The following CHD9 variants were observed in gnomAD, a reference collection of about 807,000 sequenced individuals.
The protein encoded by CHD9 is chromodomain helicase DNA binding protein 9, also known as ATP-dependent chromatin remodeler CHD9.
A neutral mutation model predicts 316.1 loss-of-function variants in CHD9; 77 were observed. That is an observed-to-expected ratio of 0.24 (90% CI 0.20 to 0.29). The LOEUF is 0.29. Ranked by LOEUF, CHD9 falls within the 10% of genes least tolerant of loss-of-function variation. CHD9 has a pLI of 1.00. For missense variants in CHD9, 2,763 were observed against 3,438.1 expected, an observed-to-expected ratio of 0.80 and a Z score of 4.91; for synonymous variants, 1,129 against 1,158.3, an observed-to-expected ratio of 0.97 and a Z score of 0.51.
chr16:53,188,650 A>AGTG (rs2044236436), intron 2 of CHD9, among the ~76,000 whole-genome samples: 1 of 113,778 alleles, frequency 8.8e-6, no homozygotes, highest in South Asian at 2.9e-4. Flanking sequence ...GCTGGCGTGC[A>AGTG]GTGGTACCAT....
chr16:53,087,626 A>G (rs1387739497), intron 1 of CHD9, among the ~76,000 whole-genome samples: 1 of 152,186 alleles, frequency 6.6e-6, no homozygotes, highest in Admixed American at 6.5e-5. Context: ...CATATTCCTT[A>G]GGATTCTTTT....
chr16:53,296,489 A>G (rs62049790), intron 29 of CHD9, among the ~76,000 whole-genome samples: 45,488 of 137,982 alleles, frequency 0.33, 7,279 homozygotes, highest in Middle Eastern at 0.45. Context: ...CGCCCAGGCT[A>G]GAGTGCAGTG....
intron 1 of CHD9, among the ~76,000 whole-genome samples, chr16:53,114,561 A>G (rs965370166): frequency 1.3e-5 from 2 of 150,248 alleles, no homozygotes; most frequent in South Asian, 2.1e-4. Context: ...CCTGGCCAGC[A>G]TTATTTTTTA....
chr16:53,231,396 A>G (rs2048164123), intron 8 of CHD9, 23 bp from the exon 9 acceptor site: 3 of 1,387,610 alleles, frequency 2.2e-6, no homozygotes, highest in South Asian at 2.4e-5. Flanking sequence ...TCAGATGTCA[A>G]TTAAGTTACC....
intron 1 of CHD9, among the ~76,000 whole-genome samples, chr16:53,114,795 G>C (rs2038161824): frequency 6.6e-6 from 1 of 150,608 alleles, no homozygotes; most frequent in African/African-American, 2.4e-5. Context: ...CACCGTGTTA[G>C]CCAGGATGGT....
intron 19 of CHD9, among the ~76,000 whole-genome samples, chr16:53,261,073 T>G (rs1196649467): frequency 2.8e-5 from 4 of 140,942 alleles, no homozygotes; most frequent in African/African-American, 1.1e-4. Context: ...AGTTTTATAT[T>G]AAAGCTATAG....
rs1328020676 is a variant in CHD9 at position 53,247,631 on chromosome 16, T to A, written c.3665+128T>A. 4.4e-6 allele frequency: 3 copies of A among 686,694 alleles called. No individual in the cohort carries two copies. In the East Asian group the frequency reaches 8.2e-5, roughly 19 times the overall value. The allele number at this position is 686,694 out of a possible 1,614,324, so 42.5% of individuals were successfully genotyped here. Reference sequence around the variant, plus strand: ...TAGATTAGAATAATGCATTCAAATTTATAAGTAAAGATTGTTTAGGATTAT... The same window carrying A: ...TAGATTAGAATAATGCATTCAAATTAATAAGTAAAGATTGTTTAGGATTAT... On this transcript the variant is annotated intron_variant, in intron 16 of 38. Coordinates refer to ENST00000447540, the MANE Select transcript of CHD9 (RefSeq NM_001308319.2).
chr16:53,264,691 A>G (rs1211188998), intron 20 of CHD9, among the ~76,000 whole-genome samples: 2 of 152,196 alleles, frequency 1.3e-5, no homozygotes, highest in Non-Finnish European at 2.9e-5. Flanking sequence ...GACTAGGTGA[A>G]GTGATCAAGG....
At chr16:53,219,014 C>T (rs2047003094) in intron 3 of CHD9, among the ~76,000 whole-genome samples, 1 of 152,066 alleles carries the variant, frequency 6.6e-6, no homozygotes, top group African/African-American at 2.4e-5. Context: ...AACGGATACC[C>T]TTAGGAGGCG....
chr16:53,290,733 A>G (rs1214984578), intron 27 of CHD9, among the ~76,000 whole-genome samples: 3 of 152,068 alleles, frequency 2.0e-5, no homozygotes, highest in African/African-American at 7.2e-5. Context: ...AGGTGTGTTC[A>G]CGCCACTGCA....
intron 10 of CHD9, among the ~76,000 whole-genome samples, chr16:53,232,965 A>G (rs532096712): frequency 6.4e-4 from 97 of 152,312 alleles, no homozygotes; most frequent in African/African-American, 1.9e-3. Context: ...TAACACAACA[A>G]TCAACACAAA....
intron 22 of CHD9, among the ~76,000 whole-genome samples, chr16:53,269,727 A>G (rs2052048000): frequency 6.6e-6 from 1 of 152,152 alleles, no homozygotes; most frequent in South Asian, 2.1e-4. Flanking sequence ...ATTCCTCAAC[A>G]AATAAATTAT....
chr16:53,291,879 A>G (rs756828214), intron 28 of CHD9, 112 bp downstream of exon 28: 12 of 590,110 alleles, frequency 2.0e-5, no homozygotes, highest in Non-Finnish European at 3.3e-5. Context: ...AAAAATTTTT[A>G]TTGACTGCCA....
Position 53,307,906 on chromosome 16 carries a change from G to GTCT in CHD9, c.7007_7008insCTT (p.Val2336_Lys2337insLeu). The GTCT allele has an allele frequency of 6.2e-7, 1 of 1,613,392 alleles. No homozygotes were observed. Among genetic ancestry groups the GTCT allele is most frequent in the South Asian group, 1.1e-5 (1 of 90,844 alleles). On this transcript the variant is annotated inframe_insertion, in exon 33 of 39. Transcript: ENST00000447540. ...TGATCAGTCAACACAGATGTCAAAG[G>GTCT]TGAAGAAGCATGTACGAGAAAAGGA...
At chr16:53,203,950 G>A (rs1214402186) in intron 2 of CHD9, among the ~76,000 whole-genome samples, 1 of 146,186 alleles carries the variant, frequency 6.8e-6, no homozygotes. Flanking sequence ...CGTGAACCTG[G>A]GAGGCGGAGC....
intron 1 of CHD9, among the ~76,000 whole-genome samples, chr16:53,093,814 G>C (rs2036154969): frequency 6.6e-6 from 1 of 152,118 alleles, no homozygotes; most frequent in African/African-American, 2.4e-5. Flanking sequence ...TCTCATGATG[G>C]ACACTGATGA....
At chr16:53,227,277 C>T (rs2047737422) in intron 5 of CHD9, 119 bp from the exon 6 acceptor site, 2 of 638,182 alleles carry the variant, frequency 3.1e-6, no homozygotes, top group Admixed American at 7.0e-5. Flanking sequence ...AACATAGTGT[C>T]TAGCATATAT....
chr16:53,285,847 T>G (rs2053824637), intron 25 of CHD9, 148 bp downstream of exon 25: 4 of 531,038 alleles, frequency 7.5e-6, no homozygotes, highest in Non-Finnish European at 1.3e-5. Flanking sequence ...CCAAACTATG[T>G]CTGTCAGTCA....
At chr16:53,109,527 G>T (rs1056379346) in intron 1 of CHD9, among the ~76,000 whole-genome samples, 3 of 151,438 alleles carry the variant, frequency 2.0e-5, no homozygotes, top group Non-Finnish European at 2.9e-5. Context: ...TAGAGACAGG[G>T]TTTCACCATG....
Sources: allele counts gnomAD v4.1 joint callset (sites outside exome capture counted in the v4.1 genomes callset), GRCh38; gene constraint gnomAD v4.1.1; transcripts MANE v1.5; gene names NCBI Gene and HGNC (gene_info 2026-07-23, HGNC 2026-07-21).